Variants in C17orf75 observed in about 807,000 individuals in gnomAD.
The protein encoded by C17orf75 is chromosome 17 open reading frame 75.
In C17orf75, 32 loss-of-function variants were observed where a neutral mutation model predicts 49.6. The observed-to-expected ratio is 0.65, with a 90% CI of 0.49 to 0.87. The LOEUF (loss-of-function observed/expected upper bound fraction) is 0.87, where lower values mean the gene tolerates loss of function less well. Ranked by LOEUF, C17orf75 falls within the 40% of genes least tolerant of loss-of-function variation. The pLI, the probability that C17orf75 is intolerant of heterozygous loss-of-function variation, is 0.00. For synonymous variants in C17orf75, 158 were observed against 159.5 expected (o/e 0.99, Z 0.07); for missense variants, 428 against 473.9 (o/e 0.90, Z 0.90).
At chr17:32,347,361 C>T in intron 1 of C17orf75, among the ~76,000 whole-genome samples, 1 of 152,048 alleles carries the variant, frequency 6.6e-6, no homozygotes, top group Admixed American at 6.6e-5. Flanking sequence ...TCACTACAAC[C>T]TCCGCCTCCT....
At chr17:32,340,585 C>T (rs566764742) in intron 2 of C17orf75, among the ~76,000 whole-genome samples, 1 of 150,628 alleles carries the variant, frequency 6.6e-6, no homozygotes, top group Non-Finnish European at 1.5e-5. Flanking sequence ...GCAGAGCTTG[C>T]AGTGAGCTGA....
upstream of C17orf75, among the ~76,000 whole-genome samples, chr17:32,342,876 T>C (rs1280724709): frequency 6.6e-6 from 1 of 152,242 alleles, no homozygotes; most frequent in Non-Finnish European, 1.5e-5. Flanking sequence ...ATTCACATTT[T>C]CAGGTGTTTG....
Position 32,347,531 on chromosome 17 carries a change from C to T in C17orf75, c.-7+2411G>A, listed in dbSNP as rs149582992. On this transcript the variant is annotated intron_variant, in intron 1 of 8. Transcript: ENST00000583774. ...TCCTGACCTCAGGTGATCCACCTAC[C>T]TCAGCCTCCCAAAGTGTTGGGATTA... Among the ~76,000 whole-genome samples, 702 of 152,192 alleles carry T rather than the reference C, an allele frequency of 4.6e-3. 5 individuals are homozygous for T. The highest frequency in any genetic ancestry group is 0.016 in the African/African-American group (646 of 41,530).
intron 1 of C17orf75, among the ~76,000 whole-genome samples, chr17:32,348,712 A>ACC (rs2041448294): frequency 6.6e-6 from 1 of 152,078 alleles, no homozygotes; most frequent in African/African-American, 2.4e-5. Flanking sequence ...CACTTGCATG[A>ACC]TCCTCCAGTT....
At chr17:32,344,304 GT>G (rs2041407811), upstream of C17orf75, among the ~76,000 whole-genome samples, 1 of 152,270 alleles carries the variant, frequency 6.6e-6, no homozygotes, top group African/African-American at 2.4e-5. Flanking sequence ...CAGGTGGTAC[GT>G]GTTATAGCAG....
upstream of C17orf75, among the ~76,000 whole-genome samples, chr17:32,342,851 C>T (rs2041394470): frequency 6.6e-6 from 1 of 152,162 alleles, no homozygotes; most frequent in East Asian, 1.9e-4. Flanking sequence ...TGCCCATTAC[C>T]CAGTTCTAAC....
At chr17:32,333,550 A>C (rs1310989825) in intron 8 of C17orf75, 30 bp from the exon 9 acceptor site, 1 of 1,528,072 alleles carries the variant, frequency 6.5e-7, no homozygotes, top group Non-Finnish European at 8.9e-7. Context: ...GACTAAATAA[A>C]ATGAAATTTT....
At position 32,331,670 on chromosome 17, in the gene C17orf75, T is replaced by TA; in HGVS notation, c.*92dup. On this transcript the variant is annotated 3_prime_UTR_variant, in exon 10 of 10. Transcript: ENST00000577809. Reference sequence around the variant, plus strand: ...ATCTGGATTGAGTTTCAAATCATCTTAAATAGCAATCCTATGAACAATTAT... The same window carrying TA: ...ATCTGGATTGAGTTTCAAATCATCTTAAAATAGCAATCCTATGAACAATTAT... The TA allele has an allele frequency of 9.9e-7, 1 of 1,006,258 alleles. No individual in the cohort carries two copies. The highest frequency in any genetic ancestry group is 1.5e-5 in the South Asian group (1 of 66,058). 62.3% of individuals were successfully genotyped at this position (1,006,258 alleles called of 1,614,324 possible).
At chr17:32,335,057 A>G (rs1159310921) in intron 6 of C17orf75, among the ~76,000 whole-genome samples, 1 of 152,252 alleles carries the variant, frequency 6.6e-6, no homozygotes, top group Admixed American at 6.5e-5. Flanking sequence ...ATTGTTTTGG[A>G]AACTATACCT....
intron 1 of C17orf75, chr17:32,341,728 C>A: frequency 1.1e-6 from 1 of 914,118 alleles, no homozygotes; most frequent in Non-Finnish European, 1.3e-6. Context: ...AAACAAAGGG[C>A]AGCCGCGAGA....
rs977306766 is a variant in C17orf75 at position 32,328,915 on chromosome 17, AAAAC to A, written c.*2844_*2847del. 5.3e-5 allele frequency: 8 copies of A among 152,072 alleles called. No homozygotes were observed. Among genetic ancestry groups the A allele is most frequent in the Non-Finnish European group, 1.0e-4 (7 of 68,000 alleles). The allele number at this position is 152,072 out of a possible 1,614,324, so 9.4% of individuals were successfully genotyped here. ...AAAAAATAAAACAAAAACAAAAAAA[AAAAC>A]AACTTTAAAAGCCAAGATAGTAGCT... is the stretch of plus-strand genomic sequence containing the variant. On this transcript the variant is annotated 3_prime_UTR_variant, in exon 10 of 10. Transcript: ENST00000577809.
intron 2 of C17orf75, 111 bp downstream of exon 2, chr17:32,341,093 G>C (rs527653029): frequency 1.3e-5 from 15 of 1,149,788 alleles, no homozygotes; most frequent in Non-Finnish European, 1.7e-5. Context: ...AGGAATTGAC[G>C]GTTTGACTCA....
chr17:32,341,799 A>G, intron 1 of C17orf75: 3 of 1,058,426 alleles, frequency 2.8e-6, no homozygotes, highest in Non-Finnish European at 3.4e-6. Flanking sequence ...GGCCAGGCAT[A>G]CAAGTCCACG....
At chr17:32,348,905 AC>A (rs1379339983) in intron 1 of C17orf75, among the ~76,000 whole-genome samples, 7 of 120,948 alleles carry the variant, frequency 5.8e-5, no homozygotes, top group African/African-American at 2.3e-4. Flanking sequence ...TCACTCTGTC[AC>A]CCAGGCTGGA....
At chr17:32,347,566 G>A (rs1022550134) in intron 1 of C17orf75, among the ~76,000 whole-genome samples, 2 of 152,176 alleles carry the variant, frequency 1.3e-5, no homozygotes, top group African/African-American at 4.8e-5. Context: ...ACAGGGGTGA[G>A]CCACCACCAC....
intron 8 of C17orf75, among the ~76,000 whole-genome samples, chr17:32,333,760 C>T (rs921541410): frequency 1.3e-5 from 2 of 152,174 alleles, no homozygotes; most frequent in East Asian, 1.9e-4. Flanking sequence ...TGAGCCACTG[C>T]GCCTGACCCA....
Position 32,347,366 on chromosome 17 carries a change from C to G in C17orf75, c.-7+2576G>C, listed in dbSNP as rs533468888. Among the ~76,000 whole-genome samples the G allele has an allele frequency of 9.2e-5, 14 of 151,856 alleles. No homozygotes were observed. In the South Asian group the frequency reaches 2.7e-3, roughly 29 times the overall value. On this transcript the variant is annotated intron_variant, in intron 1 of 8. Coordinates refer to the C17orf75 transcript ENST00000583774. Reference sequence around the variant, plus strand: ...CAATCTCGGCTCACTACAACCTCCGCCTCCTGGGTTCAAGTGATTCTCCTG... The same window carrying G: ...CAATCTCGGCTCACTACAACCTCCGGCTCCTGGGTTCAAGTGATTCTCCTG...
chr17:32,328,508 A>C lies in C17orf75; in HGVS notation c.*3255T>G, dbSNP rs2041249704. The C allele has an allele frequency of 6.6e-6, 1 of 152,266 alleles. No individual in the cohort carries two copies. The highest frequency in any genetic ancestry group is 2.1e-4 in the South Asian group (1 of 4,836). 9.4% of individuals were successfully genotyped at this position (152,266 alleles called of 1,614,324 possible). On this transcript the variant is annotated 3_prime_UTR_variant, in exon 10 of 10. Transcript: ENST00000577809. ...TACAGAGAAACTGAAGCCATTCTTC[A>C]TACATGACAAACATACATTTCCTCT...
chr17:32,338,217 C>T lies in C17orf75; in HGVS notation c.482G>A (p.Gly161Glu), dbSNP rs1268129288. 2 of 1,611,290 alleles carry T rather than the reference C, an allele frequency of 1.2e-6. No individual in the cohort carries two copies. The highest frequency in any genetic ancestry group is 1.3e-5 in the African/African-American group (1 of 74,794). ...ACCAAAGAAAGGATATAGCTCAAGTCCTTTTTCAGACCCTCCTAAAAAACA... is the reference window on the plus strand; with the variant it reads ...ACCAAAGAAAGGATATAGCTCAAGTTCTTTTTCAGACCCTCCTAAAAAACA... ...VVCFLGGSEKGLELFRLELDK... is the reference protein window; with the variant it reads ...VVCFLGGSEKELELFRLELDK... Residue 161 changes from glycine (G) to glutamate (E), a missense_variant, in exon 4 of 10, where the codon GGA (glycine) becomes GAA (glutamate). Coordinates refer to ENST00000577809, the MANE Select transcript of C17orf75 (RefSeq NM_022344.4).
Sources: allele counts gnomAD v4.1 joint callset (sites outside exome capture counted in the v4.1 genomes callset), GRCh38; gene constraint gnomAD v4.1.1; transcripts MANE v1.5; gene names NCBI Gene and HGNC (gene_info 2026-07-23, HGNC 2026-07-21).